NEDD4L: variants seen among roughly 807,000 people sequenced by gnomAD.
The protein encoded by NEDD4L is E3 ubiquitin-protein ligase NEDD4-like.
In NEDD4L, 54 loss-of-function variants were observed where a neutral mutation model predicts 148.9. That is an observed-to-expected ratio of 0.36 (90% CI 0.29 to 0.45). The LOEUF is 0.45. Among genes scored for constraint, NEDD4L ranks in the 20% least tolerant of loss-of-function variants. The probability of loss-of-function intolerance (pLI) is 1.00; values close to 1 mark genes in which losing one functional copy is unlikely to be tolerated. For missense variants in NEDD4L, 856 were observed against 1,233.8 expected, an observed-to-expected ratio of 0.69 and a Z score of 4.59; for synonymous variants, 433 against 440.7, an observed-to-expected ratio of 0.98 and a Z score of 0.22.
At chr18:58,308,493 C>G (rs1036989682) in intron 5 of NEDD4L, among the ~76,000 whole-genome samples, 1 of 152,256 alleles carries the variant, frequency 6.6e-6, no homozygotes, top group South Asian at 2.1e-4. Context: ...GGCTTCTTCC[C>G]TCCTCTGAAA....
intron 17 of NEDD4L, 63 bp downstream of exon 17, chr18:58,349,677 T>C: frequency 7.7e-7 from 1 of 1,294,024 alleles, no homozygotes; most frequent in Non-Finnish European, 1.1e-6. Context: ...CGCTCAATGT[T>C]GATGGAGAGG....
intron 5 of NEDD4L, among the ~76,000 whole-genome samples, chr18:58,279,392 G>C (rs938079075): frequency 2.0e-5 from 3 of 152,182 alleles, no homozygotes; most frequent in East Asian, 1.9e-4. Flanking sequence ...ATGCTGAAAG[G>C]CTGCACAGGA....
At chr18:58,385,225 G>A (rs2048849134) in intron 25 of NEDD4L, among the ~76,000 whole-genome samples, 8 of 152,166 alleles carry the variant, frequency 5.3e-5, no homozygotes. Flanking sequence ...TTTTAAAGCA[G>A]TTAAAGCATT....
intron 1 of NEDD4L, among the ~76,000 whole-genome samples, chr18:58,158,223 G>T (rs937706810): frequency 1.1e-4 from 17 of 152,256 alleles, no homozygotes; most frequent in Admixed American, 9.8e-4. Context: ...CTGACTGAGT[G>T]TCTGCACATC....
intron 1 of NEDD4L, chr18:58,047,315 AT>A: frequency 1.0e-6 from 1 of 984,774 alleles, no homozygotes; most frequent in Non-Finnish European, 1.2e-6. Flanking sequence ...GTAGATTCGT[AT>A]TTTGATTTGA....
At chr18:58,392,417 G>A (rs1056423225) in intron 30 of NEDD4L, among the ~76,000 whole-genome samples, 3 of 152,220 alleles carry the variant, frequency 2.0e-5, no homozygotes, top group Non-Finnish European at 4.4e-5. Context: ...TGCAGGAAAC[G>A]CCCTCCCTTA....
intron 5 of NEDD4L, among the ~76,000 whole-genome samples, chr18:58,261,933 A>C (rs1338978598): frequency 6.6e-6 from 1 of 152,200 alleles, no homozygotes; most frequent in African/African-American, 2.4e-5. Flanking sequence ...GAAATTGCTG[A>C]TTCTACACAA....
chr18:58,355,926 A>G (rs1450405549), intron 18 of NEDD4L, among the ~76,000 whole-genome samples: 1 of 152,010 alleles, frequency 6.6e-6, no homozygotes, highest in Non-Finnish European at 1.5e-5. Flanking sequence ...CTTACAGTGT[A>G]TACAGAAAAT....
chr18:58,217,936 C>A (rs982820260), intron 2 of NEDD4L, among the ~76,000 whole-genome samples: 1 of 152,092 alleles, frequency 6.6e-6, no homozygotes, highest in Non-Finnish European at 1.5e-5. Context: ...ACGTACTTTT[C>A]GAAGGCTGCA....
intron 1 of NEDD4L, among the ~76,000 whole-genome samples, chr18:58,107,864 G>A (rs769438779): frequency 2.1e-4 from 32 of 152,264 alleles, no homozygotes; most frequent in African/African-American, 6.3e-4. Flanking sequence ...AGGTACGCAT[G>A]CCACTATGCC....
At chr18:58,052,647 CTTT>C (rs71173025) in intron 1 of NEDD4L, among the ~76,000 whole-genome samples, 345 of 146,874 alleles carry the variant, frequency 2.3e-3, no homozygotes, top group Middle Eastern at 3.6e-3. Flanking sequence ...GTGAGTTTTT[CTTT>C]TTTTTTTTTT....
At chr18:58,218,115 A>G (rs1434259927) in intron 2 of NEDD4L, among the ~76,000 whole-genome samples, 3 of 152,214 alleles carry the variant, frequency 2.0e-5, no homozygotes, top group Non-Finnish European at 4.4e-5. Flanking sequence ...TTTGAATGAA[A>G]TCAGTCTTCA....
At chr18:58,085,021 C>T (rs184178403) in intron 1 of NEDD4L, among the ~76,000 whole-genome samples, 223 of 152,146 alleles carry the variant, frequency 1.5e-3, no homozygotes, top group African/African-American at 5.2e-3. Context: ...CACAAATATC[C>T]GCTAGTGTCT....
chr18:58,059,838 C>T (rs1347855385), intron 1 of NEDD4L, among the ~76,000 whole-genome samples: 4 of 152,136 alleles, frequency 2.6e-5, no homozygotes, highest in African/African-American at 9.7e-5. Context: ...ATTAACCATT[C>T]CGCAGTGTGT....
At chr18:58,351,434 T>C (rs2043867749) in intron 18 of NEDD4L, among the ~76,000 whole-genome samples, 1 of 152,278 alleles carries the variant, frequency 6.6e-6, no homozygotes. Context: ...CATGTAAGTT[T>C]TTTAGACACT....
In NEDD4L at chr18:58,165,944, C is replaced by T. The variant is rs183500936; in HGVS notation, c.122+83C>T. 2,945 of 1,129,788 alleles carry T rather than the reference C, an allele frequency of 2.6e-3. 8 individuals carry two copies. The highest frequency in any genetic ancestry group is 3.3e-3 in the Non-Finnish European group (2,520 of 768,288). The allele number at this position is 1,129,788 out of a possible 1,614,324, so 70.0% of individuals were successfully genotyped here. On this transcript the variant is annotated intron_variant, in intron 2 of 30. Transcript: ENST00000400345. ...AAATTCAGGCACGCATCAGAATCACCTGGAGGACTTCTTAAGACAAAGCTG... is the reference window on the plus strand; with the variant it reads ...AAATTCAGGCACGCATCAGAATCACTTGGAGGACTTCTTAAGACAAAGCTG...
chr18:58,061,828 A>G lies in NEDD4L; in HGVS notation c.48+17120A>G, dbSNP rs546104663. Among the ~76,000 whole-genome samples, 69 of 152,314 alleles carry G rather than the reference A, an allele frequency of 4.5e-4. 1 individual carries two copies. The South Asian group carries it at 9.5e-3, about 21-fold the overall frequency. ...ATATTTTGATTTGCTAGAGGTAAGG[A>G]GCCCTTTTGAGAATTAGTTTGTTTT... On this transcript the variant is annotated intron_variant, in intron 1 of 30. Coordinates refer to ENST00000400345, the MANE Select transcript of NEDD4L (RefSeq NM_001144967.3).
At chr18:58,379,846 C>T (rs960321607) in intron 24 of NEDD4L, among the ~76,000 whole-genome samples, 11 of 151,864 alleles carry the variant, frequency 7.2e-5, no homozygotes, top group South Asian at 2.1e-4. Context: ...GGGCTCGAGC[C>T]GAGACACCGA....
At chr18:58,300,965 C>T (rs1208628288) in intron 5 of NEDD4L, among the ~76,000 whole-genome samples, 1 of 152,202 alleles carries the variant, frequency 6.6e-6, no homozygotes, top group Non-Finnish European at 1.5e-5. Flanking sequence ...GGGTGTATCT[C>T]ATAAGCTCTG....
Sources: gnomAD v4.1 joint callset for allele counts (sites outside exome capture counted in the v4.1 genomes callset) on GRCh38, gnomAD v4.1.1 for gene constraint, MANE v1.5 for transcripts, NCBI Gene and HGNC (gene_info 2026-07-23, HGNC 2026-07-21) for gene names.